CNNM1: variants seen among roughly 807,000 people sequenced by gnomAD.
CNNM1 encodes the protein cyclin and CBS domain divalent metal cation transport mediator 1.
In CNNM1, 44 loss-of-function variants were observed where a neutral mutation model predicts 78.8. That is an observed-to-expected ratio of 0.56 (90% CI 0.44 to 0.72). The LOEUF is 0.72. CNNM1 is among the 30% of genes least tolerant of loss of function. The pLI is 0.00. For synonymous variants in CNNM1, 584 were observed against 581.5 expected, an observed-to-expected ratio of 1.00 and a Z score of -0.06; for missense variants, 1,101 against 1,292.2, an observed-to-expected ratio of 0.85 and a Z score of 2.27.
chr10:99,363,999 TC>T (rs2031524585), intron 4 of CNNM1, among the ~76,000 whole-genome samples: 2 of 152,086 alleles, frequency 1.3e-5, no homozygotes, highest in South Asian at 4.1e-4. Flanking sequence ...CACCTTGGCC[TC>T]CCAAAGTGCT....
At position 99,370,585 on chromosome 10, in the gene CNNM1, T is replaced by C. The variant is rs1031263209; in HGVS notation, c.2176+5583T>C. 5.3e-5 allele frequency among the ~76,000 whole-genome samples: 8 copies of C among 152,320 alleles called. 2 individuals are homozygous for C. The highest frequency in any genetic ancestry group is 5.2e-4 in the Admixed American group (8 of 15,308). On this transcript the variant is annotated intron_variant, in intron 6 of 10. Transcript: ENST00000356713. ...TAGCCTCAGAGGTCTGGGATTTTTG[T>C]AGAAAGAAGTTCCAGGTAACTTCTG...
At chr10:99,362,504 C>G in intron 4 of CNNM1, 108 bp downstream of exon 4, 1 of 1,195,822 alleles carries the variant, frequency 8.4e-7, no homozygotes, top group Non-Finnish European at 1.2e-6. Flanking sequence ...GGCTGGCTGC[C>G]TCAGCAACAA....
At chr10:99,377,003 T>G in intron 6 of CNNM1, 52 bp from the exon 7 acceptor site, 17 of 661,180 alleles carry the variant, frequency 2.6e-5, no homozygotes, top group East Asian at 4.8e-5. Context: ...CTCCCCCTTC[T>G]TCCTCCCCAC....
intron 7 of CNNM1, among the ~76,000 whole-genome samples, chr10:99,379,885 C>A (rs987940988): frequency 2.6e-5 from 4 of 152,130 alleles, no homozygotes; most frequent in Admixed American, 2.0e-4. Context: ...TATTTCTCAC[C>A]ATTCTGGAGG....
At chr10:99,350,253 G>A (rs371427907) in intron 1 of CNNM1, among the ~76,000 whole-genome samples, 6 of 152,198 alleles carry the variant, frequency 3.9e-5, no homozygotes, top group Non-Finnish European at 8.8e-5. Flanking sequence ...GAAGAAGAAC[G>A]TAGCAAAAGC....
At chr10:99,364,887 G>A (rs1005691489) in intron 5 of CNNM1, 68 bp from the exon 6 acceptor site, 3 of 1,465,484 alleles carry the variant, frequency 2.0e-6, no homozygotes, top group Admixed American at 1.8e-5. Flanking sequence ...GATAGAAGAG[G>A]GAAGATTCCC....
chr10:99,355,848 A>C (rs1034592695), intron 1 of CNNM1, among the ~76,000 whole-genome samples: 1 of 152,252 alleles, frequency 6.6e-6, no homozygotes, highest in Non-Finnish European at 1.5e-5. Context: ...TAAGACCTGA[A>C]TAAATGGAAA....
At chr10:99,348,637 T>G (rs925229227) in intron 1 of CNNM1, among the ~76,000 whole-genome samples, 9 of 152,228 alleles carry the variant, frequency 5.9e-5, no homozygotes, top group Admixed American at 2.6e-4. Flanking sequence ...TCATTTACTG[T>G]AGTGAAGACG....
At chr10:99,350,856 G>C (rs1450185237) in intron 1 of CNNM1, among the ~76,000 whole-genome samples, 1 of 151,992 alleles carries the variant, frequency 6.6e-6, no homozygotes, top group Admixed American at 6.6e-5. Context: ...TTTGGGGCCA[G>C]GTAATTCTTT....
intron 1 of CNNM1, among the ~76,000 whole-genome samples, chr10:99,345,344 A>G (rs2030646777): frequency 1.3e-5 from 2 of 152,176 alleles, no homozygotes; most frequent in African/African-American, 4.8e-5. Context: ...TTCAGCTGCA[A>G]TGAAAACCTT....
Position 99,330,449 on chromosome 10 carries a change from C to T in CNNM1, c.1062C>T (p.Ile354=). Residue 354 remains isoleucine (I), a synonymous_variant, in exon 1 of 11, where the codon ATC becomes ATT. Transcript: ENST00000356713. ...YSVCSRHGLA[I]ASHSVCLTRL... is the part of the protein sequence containing the mutation. ...TGTGTTCGCGGCACGGGCTGGCCAT[C>T]GCCTCGCACAGCGTGTGCCTGACCC... 1 of 1,589,742 alleles carries T rather than the reference C, an allele frequency of 6.3e-7. No homozygotes were observed. The highest frequency in any genetic ancestry group is 8.6e-7 in the Non-Finnish European group (1 of 1,169,018).
At chr10:99,381,739 G>A (rs1286412536) in intron 7 of CNNM1, among the ~76,000 whole-genome samples, 7 of 147,614 alleles carry the variant, frequency 4.7e-5, no homozygotes, top group Non-Finnish European at 7.4e-5. Flanking sequence ...GCGAAACTCC[G>A]TCTCAAAAAA....
intron 1 of CNNM1, among the ~76,000 whole-genome samples, chr10:99,342,121 GT>G (rs1160375080): frequency 6.6e-6 from 1 of 152,160 alleles, no homozygotes; most frequent in Non-Finnish European, 1.5e-5. Flanking sequence ...GATAAACTAA[GT>G]GAATACCATG....
At chr10:99,347,434 C>T (rs979635747) in intron 1 of CNNM1, among the ~76,000 whole-genome samples, 2 of 151,896 alleles carry the variant, frequency 1.3e-5, no homozygotes, top group African/African-American at 4.8e-5. Flanking sequence ...GGCAGAGAAT[C>T]GCTTGAACCC....
intron 3 of CNNM1, among the ~76,000 whole-genome samples, 151 bp from the exon 4 acceptor site, chr10:99,362,075 CG>C (rs1156478349): frequency 6.6e-6 from 1 of 152,164 alleles, no homozygotes; most frequent in East Asian, 1.9e-4. Context: ...TCCTCCACTC[CG>C]GAGGAACTGC....
intron 1 of CNNM1, among the ~76,000 whole-genome samples, chr10:99,350,705 T>G: frequency 6.6e-6 from 1 of 152,178 alleles, no homozygotes; most frequent in East Asian, 1.9e-4. Context: ...GGTAAACGTG[T>G]GCCATGATGG....
At chr10:99,355,170 A>T (rs895412838) in intron 1 of CNNM1, among the ~76,000 whole-genome samples, 15 of 150,906 alleles carry the variant, frequency 9.9e-5, no homozygotes, top group Admixed American at 4.0e-4. Flanking sequence ...GCCAAGCAAG[A>T]GTTTATAAAG....
chr10:99,364,940 T>C lies in CNNM1; in HGVS notation c.2129-15T>C, dbSNP rs2031562455. On this transcript the variant is annotated splice_polypyrimidine_tract_variant and intron_variant, in intron 5 of 10. Transcript: ENST00000356713. Reference sequence around the variant, plus strand: ...TGAGTTGCCTCTGAAACCCACTGCATGCTTCTGTCCTTAGATAATGACGTG... The same window carrying C: ...TGAGTTGCCTCTGAAACCCACTGCACGCTTCTGTCCTTAGATAATGACGTG... 3 of 1,612,186 alleles carry C rather than the reference T, an allele frequency of 1.9e-6. No individual in the cohort carries two copies. Among genetic ancestry groups the C allele is most frequent in the Non-Finnish European group, 2.5e-6 (3 of 1,178,456 alleles).
chr10:99,338,506 T>C (rs1029133433), intron 1 of CNNM1, among the ~76,000 whole-genome samples: 8 of 152,134 alleles, frequency 5.3e-5, no homozygotes, highest in Non-Finnish European at 1.2e-4. Flanking sequence ...CTCGAACTCC[T>C]GAGCTCAGGC....
Sources: gnomAD v4.1 joint callset for allele counts (sites outside exome capture counted in the v4.1 genomes callset) on GRCh38, gnomAD v4.1.1 for gene constraint, MANE v1.5 for transcripts, NCBI Gene and HGNC (gene_info 2026-07-23, HGNC 2026-07-21) for gene names.